Variants in PLEK observed in about 807,000 individuals in gnomAD.
PLEK encodes platelet 47 kDa protein.
Under a neutral mutation model 43.9 loss-of-function variants are expected in PLEK, and 25 were observed. That is an observed-to-expected ratio of 0.57 (90% CI 0.41 to 0.79). The LOEUF (loss-of-function observed/expected upper bound fraction) is 0.79, where lower values mean the gene tolerates loss of function less well. Ranked by LOEUF, PLEK falls within the 30% of genes least tolerant of loss-of-function variation. PLEK has a pLI of 0.00. For missense variants in PLEK, 396 were observed against 413.3 expected (o/e 0.96, Z 0.36); for synonymous variants, 152 against 144.4 (o/e 1.05, Z -0.38).
intron 6 of PLEK, among the ~76,000 whole-genome samples, chr2:68,392,091 T>C (rs1219344016): frequency 6.6e-6 from 1 of 151,398 alleles, no homozygotes; most frequent in Non-Finnish European, 1.5e-5. Context: ...AAAGGCCAAG[T>C]CGTCACCTTC....
intron 3 of PLEK, among the ~76,000 whole-genome samples, chr2:68,381,968 A>G (rs1339169135): frequency 6.6e-6 from 1 of 152,228 alleles, no homozygotes; most frequent in Non-Finnish European, 1.5e-5. Context: ...TTTGTTGCTT[A>G]GAGCTTCTCT....
intron 2 of PLEK, 86 bp downstream of exon 2, chr2:68,380,569 C>T (rs1558498334): frequency 2.7e-6 from 4 of 1,454,550 alleles, no homozygotes; most frequent in Admixed American, 3.7e-5. Flanking sequence ...GGGTGGTGCT[C>T]CTTGGGCTGG....
chr2:68,370,549 A>G (rs1673379554), intron 1 of PLEK, among the ~76,000 whole-genome samples: 1 of 152,194 alleles, frequency 6.6e-6, no homozygotes, highest in South Asian at 2.1e-4. Flanking sequence ...GGAATGGTAC[A>G]ATCTTGGCTC....
intron 1 of PLEK, among the ~76,000 whole-genome samples, chr2:68,372,790 T>C (rs1327186022): frequency 6.6e-6 from 1 of 152,062 alleles, no homozygotes; most frequent in Non-Finnish European, 1.5e-5. Flanking sequence ...GCTAGCTAAG[T>C]GGTCTAAAGA....
rs146448709 is a variant in PLEK, at chr2:68,386,510, G to A, written c.481G>A (p.Val161Ile). ...GTGCTGGTCCCATCTAGGTAACTGC[G>A]TCATTGATTGGCTGGTATCCAACCA... ...IFNHCFTGNCVIDWLVSNQSV... is the reference protein window; with the variant it reads ...IFNHCFTGNCIIDWLVSNQSV... Residue 161 changes from valine to isoleucine, a missense_variant, in exon 5 of 9, where the codon GTC (valine) becomes ATC (isoleucine). Transcript: ENST00000234313. 1.4e-4 allele frequency: 223 copies of A among 1,613,380 alleles called. No individual in the cohort carries two copies. The highest frequency in any genetic ancestry group is 2.0e-4 in the South Asian group (18 of 91,052).
chr2:68,388,413 G>T lies in PLEK; in HGVS notation c.684G>T (p.Glu228Asp). 1 of 1,610,246 alleles carries T rather than the reference G, an allele frequency of 6.2e-7. No homozygotes were observed. The highest frequency in any genetic ancestry group is 8.5e-7 in the Non-Finnish European group (1 of 1,176,462). ...CAGACAGTGGGTTCTTCTGTGAAGA[G>T]AATTCCAGTGATGATGATGTGATTC... ...YFPDSGFFCE[E>D]NSSDDDVILK... Residue 228 changes from glutamate to aspartate, a missense_variant, in exon 6 of 9, where the codon GAG (glutamate) becomes GAT (aspartate). Coordinates refer to ENST00000234313, the MANE Select transcript of PLEK (RefSeq NM_002664.3).
chr2:68,388,705 G>A (rs1558500591), intron 6 of PLEK, among the ~76,000 whole-genome samples: 1 of 151,230 alleles, frequency 6.6e-6, no homozygotes, highest in Non-Finnish European at 1.5e-5. Flanking sequence ...CCTAAAAGTA[G>A]GAAAATGCCT....
intron 4 of PLEK, among the ~76,000 whole-genome samples, chr2:68,384,601 G>C (rs911170454): frequency 3.9e-5 from 6 of 152,196 alleles, no homozygotes; most frequent in Admixed American, 1.3e-4. Context: ...GGGGGAGTCA[G>C]GTGGCCTCGG....
intron 1 of PLEK, among the ~76,000 whole-genome samples, chr2:68,379,379 C>A (rs1413526989): frequency 6.6e-6 from 1 of 152,070 alleles, no homozygotes; most frequent in Non-Finnish European, 1.5e-5. Flanking sequence ...TTCTGACTAA[C>A]CCTCCCAAGA....
intron 1 of PLEK, among the ~76,000 whole-genome samples, chr2:68,373,746 T>C (rs1298426936): frequency 6.6e-6 from 1 of 152,140 alleles, no homozygotes; most frequent in Non-Finnish European, 1.5e-5. Flanking sequence ...CAGCTATTCC[T>C]GAGGTTGAAT....
chr2:68,367,185 A>G (rs1357126152), intron 1 of PLEK, among the ~76,000 whole-genome samples: 1 of 152,104 alleles, frequency 6.6e-6, no homozygotes, highest in African/African-American at 2.4e-5. Context: ...TACAAGTTAC[A>G]TCTTCCATAA....
At chr2:68,372,015 T>G (rs1673418489) in intron 1 of PLEK, among the ~76,000 whole-genome samples, 1 of 152,222 alleles carries the variant, frequency 6.6e-6, no homozygotes, top group Non-Finnish European at 1.5e-5. Flanking sequence ...TTATTTATAT[T>G]ATTTGCTCAT....
intron 4 of PLEK, among the ~76,000 whole-genome samples, chr2:68,385,059 G>A (rs1242896948): frequency 6.6e-6 from 1 of 152,202 alleles, no homozygotes; most frequent in Non-Finnish European, 1.5e-5. Flanking sequence ...TGACAGGACA[G>A]GCAGGCTGTC....
intron 1 of PLEK, among the ~76,000 whole-genome samples, chr2:68,376,469 TG>T (rs1486075697): frequency 6.6e-6 from 1 of 152,192 alleles, no homozygotes; most frequent in Non-Finnish European, 1.5e-5. Context: ...TGGCCAAAGC[TG>T]AGTTACATAT....
intron 3 of PLEK, 34 bp downstream of exon 3, chr2:68,380,938 C>G: frequency 6.3e-7 from 1 of 1,576,434 alleles, no homozygotes; most frequent in Non-Finnish European, 8.7e-7. Context: ...TTTACCCATT[C>G]CTTCTGAAAG....
intron 6 of PLEK, among the ~76,000 whole-genome samples, chr2:68,392,841 A>G (rs749668506): frequency 2.0e-5 from 3 of 151,428 alleles, no homozygotes; most frequent in Non-Finnish European, 4.4e-5. Flanking sequence ...AGATCAGGGC[A>G]TCTTAAACCT....
intron 5 of PLEK, chr2:68,387,940 C>T (rs921832663): frequency 2.6e-5 from 4 of 156,092 alleles, no homozygotes; most frequent in Non-Finnish European, 5.7e-5. Context: ...AGAGGCTGGA[C>T]ACATGCTGTC....
intron 7 of PLEK, 47 bp from the exon 8 acceptor site, chr2:68,394,060 A>G (rs367946764): frequency 9.7e-6 from 12 of 1,240,400 alleles, no homozygotes; most frequent in South Asian, 1.2e-5. Flanking sequence ...AGGTCTATCT[A>G]TACTCTGCAT....
chr2:68,389,181 A>T (rs533603023), intron 6 of PLEK, among the ~76,000 whole-genome samples: 97 of 152,260 alleles, frequency 6.4e-4, no homozygotes, highest in Non-Finnish European at 1.1e-3. Flanking sequence ...GACAGGGGCC[A>T]AGATGACTGA....
Sources: gnomAD v4.1 joint callset for allele counts (sites outside exome capture counted in the v4.1 genomes callset) on GRCh38, gnomAD v4.1.1 for gene constraint, MANE v1.5 for transcripts, NCBI Gene and HGNC (gene_info 2026-07-23, HGNC 2026-07-21) for gene names.